Variants in TRIM37 observed in about 807,000 individuals in gnomAD.
TRIM37 encodes E3 ubiquitin-protein ligase TRIM37.
A neutral mutation model predicts 129.8 loss-of-function variants in TRIM37; 80 were observed. The observed-to-expected ratio is 0.62, with a 90% CI of 0.51 to 0.74. The LOEUF (loss-of-function observed/expected upper bound fraction) is 0.74. Ranked by LOEUF, TRIM37 falls within the 30% of genes least tolerant of loss-of-function variation. The pLI, the probability that TRIM37 is intolerant of heterozygous loss-of-function variation, is 0.00. For synonymous variants in TRIM37, 389 were observed against 387.1 expected (o/e 1.00, Z -0.06); for missense variants, 1,054 against 1,176.5 (o/e 0.90, Z 1.52).
At chr17:58,989,130 C>T (rs1263817888) in intron 24 of TRIM37, among the ~76,000 whole-genome samples, 1 of 152,124 alleles carries the variant, frequency 6.6e-6, no homozygotes, top group African/African-American at 2.4e-5. Flanking sequence ...AAACATTCAT[C>T]AGAACCAGAG....
chr17:59,049,691 T>C (rs757463096), intron 14 of TRIM37, among the ~76,000 whole-genome samples: 4 of 152,102 alleles, frequency 2.6e-5, no homozygotes, highest in Non-Finnish European at 5.9e-5. Flanking sequence ...AGAGACGGTA[T>C]CTTGCTATGT....
intron 23 of TRIM37, 86 bp downstream of exon 23, chr17:59,001,509 AAGT>A: frequency 1.3e-6 from 2 of 1,563,424 alleles, no homozygotes; most frequent in Non-Finnish European, 1.8e-6. Flanking sequence ...AGAGCGGAAA[AAGT>A]AGAAGTAGCA....
chr17:58,997,211 A>G (rs2033097850), downstream of TRIM37, among the ~76,000 whole-genome samples: 1 of 152,234 alleles, frequency 6.6e-6, no homozygotes, highest in African/African-American at 2.4e-5. Flanking sequence ...GTGATTATGT[A>G]AGGCATTAAC....
intron 24 of TRIM37, chr17:58,982,935 AAAAC>A: frequency 8.9e-6 from 14 of 1,574,112 alleles, no homozygotes; most frequent in Non-Finnish European, 1.1e-5. Flanking sequence ...AGAAAACAAG[AAAAC>A]AAAGGCAGCA....
At position 59,081,953 on chromosome 17, in the gene TRIM37, TAAAAAAAAAAA is replaced by T. The variant is rs762912390; in HGVS notation, c.370-745_370-735del. On this transcript the variant is annotated intron_variant, in intron 5 of 23. Coordinates refer to ENST00000262294, the MANE Select transcript of TRIM37 (RefSeq NM_015294.6). Reference sequence around the variant, plus strand: ...AATAAAAACCAAAAAAAAAAAAAAATAAAAAAAAAAAAATAATAATAATAATAATAATAATG... The same window carrying T: ...AATAAAAACCAAAAAAAAAAAAAAATAATAATAATAATAATAATAATAATG... Among the ~76,000 whole-genome samples, 390 of 113,310 alleles carry T rather than the reference TAAAAAAAAAAA, an allele frequency of 3.4e-3. 2 individuals are homozygous for T. Among genetic ancestry groups the T allele is most frequent in the African/African-American group, 0.012 (313 of 25,882 alleles). The allele number at this position is 113,310 out of a possible 152,430, so 74.3% of individuals were successfully genotyped here. A position where few individuals can be genotyped will look rare whatever the true frequency, so the allele number is the denominator to read the frequency against.
At chr17:59,016,479 C>T (rs1350736578) in intron 20 of TRIM37, among the ~76,000 whole-genome samples, 1 of 150,074 alleles carries the variant, frequency 6.7e-6, no homozygotes, top group Non-Finnish European at 1.5e-5. Flanking sequence ...ATTAAGGAGT[C>T]CAGGCCAAGT....
chr17:59,040,863 G>A (rs1414109974), intron 17 of TRIM37, among the ~76,000 whole-genome samples: 1 of 151,742 alleles, frequency 6.6e-6, no homozygotes, highest in Non-Finnish European at 1.5e-5. Flanking sequence ...TGGCTAACAA[G>A]GTGAAACCCC....
At chr17:59,090,866 T>C (rs953418242) in intron 3 of TRIM37, among the ~76,000 whole-genome samples, 1 of 152,170 alleles carries the variant, frequency 6.6e-6, no homozygotes, top group South Asian at 2.1e-4. Flanking sequence ...CCTCAGGTGA[T>C]CCAGCCGCCT....
intron 8 of TRIM37, among the ~76,000 whole-genome samples, chr17:59,071,487 A>G (rs2042362319): frequency 6.6e-6 from 1 of 152,012 alleles, no homozygotes; most frequent in Non-Finnish European, 1.5e-5. Context: ...GGGTTTCTCC[A>G]TGTTGGTCAC....
intron 16 of TRIM37, among the ~76,000 whole-genome samples, chr17:59,047,383 A>C (rs2039928930): frequency 6.6e-6 from 1 of 152,232 alleles, no homozygotes. Flanking sequence ...CAAGTGTTTC[A>C]GAAAAAATTA....
At chr17:59,000,096 C>G (rs1016771775) in intron 23 of TRIM37, among the ~76,000 whole-genome samples, 1 of 152,166 alleles carries the variant, frequency 6.6e-6, no homozygotes, top group Non-Finnish European at 1.5e-5. Context: ...ATTAAGGCCT[C>G]TGGGTAACTT....
intron 9 of TRIM37, among the ~76,000 whole-genome samples, chr17:59,070,289 T>C (rs748191480): frequency 3.3e-5 from 5 of 152,194 alleles, no homozygotes; most frequent in African/African-American, 4.8e-5. Context: ...TCTTTTAGTA[T>C]CCGGAGATAA....
rs116901312 is a variant in TRIM37 at position 59,094,692 on chromosome 17, G to A, written c.124-3352C>T. On this transcript the variant is annotated intron_variant, in intron 2 of 23. Coordinates refer to ENST00000262294, the MANE Select transcript of TRIM37 (RefSeq NM_015294.6). ...TGAGGAAAAAGGAAGATTAAGGTGA[G>A]CTAGGTTTTTGGATAAAAAACTGGG... Among the ~76,000 whole-genome samples, 347 of 152,168 alleles carry A rather than the reference G, an allele frequency of 2.3e-3. 12 individuals are homozygous for A. In the East Asian group the frequency reaches 0.06, roughly 26 times the overall value.
rs1189889076 is a variant in TRIM37 at position 59,104,238 on chromosome 17, T to C, written c.123+55A>G. 13 of 1,503,526 alleles carry C rather than the reference T, an allele frequency of 8.6e-6. No individual in the cohort carries two copies. In the East Asian group the frequency reaches 9.4e-5, roughly 11 times the overall value. 93.1% of individuals were successfully genotyped at this position (1,503,526 alleles called of 1,614,324 possible). A position where few individuals can be genotyped will look rare whatever the true frequency, so the allele number is the denominator to read the frequency against. The stretch of plus-strand genomic sequence containing the variant: ...ATAAAAAGATAAGGGAAATGGTTAA[T>C]CCTTACAATATATACTATATATACT... On this transcript the variant is annotated intron_variant, in intron 2 of 23. Coordinates refer to ENST00000262294, the MANE Select transcript of TRIM37 (RefSeq NM_015294.6).
chr17:59,024,020 C>A (rs1373313895), intron 19 of TRIM37, among the ~76,000 whole-genome samples: 1 of 151,802 alleles, frequency 6.6e-6, no homozygotes, highest in Non-Finnish European at 1.5e-5. Flanking sequence ...TCAAGACCAG[C>A]CTGACGAATA....
chr17:59,096,276 G>A (rs1410027375), intron 2 of TRIM37, among the ~76,000 whole-genome samples: 1 of 151,932 alleles, frequency 6.6e-6, no homozygotes, highest in Non-Finnish European at 1.5e-5. Flanking sequence ...CATCAGCCGG[G>A]CACAGTGGCT....
chr17:59,068,227 CT>C (rs2042076192), intron 9 of TRIM37, among the ~76,000 whole-genome samples: 1 of 152,176 alleles, frequency 6.6e-6, no homozygotes, highest in Non-Finnish European at 1.5e-5. Flanking sequence ...GCCTGATGAG[CT>C]GCTGAAAGTG....
At chr17:58,992,581 T>C (rs2032558032) in intron 24 of TRIM37, among the ~76,000 whole-genome samples, 1 of 152,018 alleles carries the variant, frequency 6.6e-6, no homozygotes, top group African/African-American at 2.4e-5. Context: ...GGTTTCTCCA[T>C]GTTGGTCAGG....
At chr17:59,044,281 G>A (rs377436949) in intron 16 of TRIM37, among the ~76,000 whole-genome samples, 5 of 152,272 alleles carry the variant, frequency 3.3e-5, no homozygotes, top group African/African-American at 1.2e-4. Context: ...CTGCACTCCA[G>A]CTTGGGTGAC....
Sources: gnomAD v4.1 joint callset for allele counts (sites outside exome capture counted in the v4.1 genomes callset) on GRCh38, gnomAD v4.1.1 for gene constraint, MANE v1.5 for transcripts, NCBI Gene and HGNC (gene_info 2026-07-23, HGNC 2026-07-21) for gene names.